SHOC1: variants seen among roughly 807,000 people sequenced by gnomAD.
SHOC1 encodes the protein protein shortage in chiasmata 1 ortholog.
In SHOC1, 136 loss-of-function variants were observed where a neutral mutation model predicts 179.2. The observed-to-expected ratio is 0.76, with a 90% CI of 0.66 to 0.87. The LOEUF is 0.87. SHOC1 is among the 40% of genes least tolerant of loss of function. The pLI is 0.00. For synonymous variants in SHOC1, 489 were observed against 586.6 expected, an observed-to-expected ratio of 0.83 and a Z score of 2.41; for missense variants, 1,538 against 1,700.8, an observed-to-expected ratio of 0.90 and a Z score of 1.68.
At chr9:111,751,522 T>C (rs1834588206) in intron 8 of SHOC1, among the ~76,000 whole-genome samples, 1 of 152,170 alleles carries the variant, frequency 6.6e-6, no homozygotes, top group Non-Finnish European at 1.5e-5. Context: ...CAATATTTTT[T>C]CTATCAATTA....
At chr9:111,759,440 C>T (rs1835038081) in intron 5 of SHOC1, 1 of 1,324,818 alleles carries the variant, frequency 7.5e-7, no homozygotes, top group East Asian at 2.7e-5. Flanking sequence ...TATTAAGAAA[C>T]ACTACTGCTA....
At chr9:111,691,349 T>A (rs975185230) in intron 27 of SHOC1, among the ~76,000 whole-genome samples, 3 of 152,212 alleles carry the variant, frequency 2.0e-5, no homozygotes, top group Non-Finnish European at 4.4e-5. Context: ...GAATGCTTAG[T>A]CCACTTAAGG....
intron 15 of SHOC1, among the ~76,000 whole-genome samples, chr9:111,722,137 T>C (rs2131412355): frequency 6.6e-6 from 1 of 152,322 alleles, no homozygotes; most frequent in South Asian, 2.1e-4. Context: ...CTGACAATAA[T>C]AAAGTTAATT....
chr9:111,723,705 A>G, intron 14 of SHOC1, 87 bp downstream of exon 14: 1 of 1,259,386 alleles, frequency 7.9e-7, no homozygotes, highest in Non-Finnish European at 1.1e-6. Context: ...AGAAAATGAC[A>G]TGGAAAATGA....
chr9:111,746,376 T>A (rs777712611), intron 9 of SHOC1, 34 bp from the exon 10 acceptor site: 11 of 1,376,952 alleles, frequency 8.0e-6, no homozygotes, highest in Non-Finnish European at 1.0e-5. Flanking sequence ...TATGTAAACA[T>A]TGAATAATAT....
chr9:111,687,097 C>A (rs1179217129), intron 27 of SHOC1, among the ~76,000 whole-genome samples: 2 of 152,026 alleles, frequency 1.3e-5, no homozygotes, highest in Non-Finnish European at 2.9e-5. Context: ...CAGGCACCTG[C>A]CACCACGCCC....
chr9:111,758,343 C>A (rs1036878317), intron 6 of SHOC1, 148 bp from the exon 7 acceptor site: 8 of 572,702 alleles, frequency 1.4e-5, no homozygotes, highest in Admixed American at 3.7e-5. Flanking sequence ...CGCCTGTAAT[C>A]CCAGCACTTT....
intron 15 of SHOC1, among the ~76,000 whole-genome samples, chr9:111,718,797 T>G (rs997511829): frequency 9.9e-5 from 15 of 152,112 alleles, no homozygotes; most frequent in Non-Finnish European, 2.2e-4. Flanking sequence ...AAACAAGAGA[T>G]AAACTCACAG....
intron 27 of SHOC1, among the ~76,000 whole-genome samples, chr9:111,689,907 T>C (rs1180072424): frequency 1.3e-5 from 2 of 152,168 alleles, no homozygotes; most frequent in African/African-American, 2.4e-5. Context: ...CATTGGAAAA[T>C]GGGAGGTTAT....
chr9:111,737,032 A>G (rs1413209092), intron 12 of SHOC1, among the ~76,000 whole-genome samples: 1 of 152,192 alleles, frequency 6.6e-6, no homozygotes, highest in African/African-American at 2.4e-5. Context: ...ATCATTCAGA[A>G]TGGCTACTAT....
chr9:111,736,100 T>C (rs970352489), intron 12 of SHOC1, among the ~76,000 whole-genome samples: 2 of 152,198 alleles, frequency 1.3e-5, no homozygotes, highest in Non-Finnish European at 2.9e-5. Flanking sequence ...TACATCCTCA[T>C]GGATTGGAAG....
chr9:111,738,205 A>G, intron 12 of SHOC1, 75 bp downstream of exon 12: 1 of 1,345,636 alleles, frequency 7.4e-7, no homozygotes, highest in Non-Finnish European at 1.0e-6. Flanking sequence ...CCAATTACCT[A>G]GAGGAAATCC....
intron 4 of SHOC1, among the ~76,000 whole-genome samples, chr9:111,779,950 T>C (rs1835974364): frequency 1.3e-5 from 2 of 152,252 alleles, no homozygotes; most frequent in East Asian, 3.8e-4. Flanking sequence ...TTTTAATTCA[T>C]AGTGCAGAGC....
At chr9:111,714,651 G>T (rs1181305981) in intron 16 of SHOC1, 28 bp from the exon 17 acceptor site, 2 of 1,575,720 alleles carry the variant, frequency 1.3e-6, no homozygotes, top group Non-Finnish European at 8.6e-7. Context: ...GAAAAAAATT[G>T]TCTAAGTATT....
At chr9:111,717,636 GC>G (rs1399626909) in intron 16 of SHOC1, among the ~76,000 whole-genome samples, 3 of 151,576 alleles carry the variant, frequency 2.0e-5, no homozygotes, top group African/African-American at 7.3e-5. Flanking sequence ...GCAATAAGGG[GC>G]CTAAAGCAGT....
At position 111,691,676 on chromosome 9, in the gene SHOC1, G is replaced by C; in HGVS notation, c.4301C>G (p.Ser1434Cys). The stretch of plus-strand genomic sequence containing the variant: ...TTCTTTTTGATTTGCATTAGAATCA[G>C]AAGCACGAAATAAATCCAAACTGGG... ...SVPSLDLFRA[S>C]DSNANQKEFN... The change falls in exon 27 of 28, where the codon TCT (serine) becomes TGT (cysteine). Residue 1434 changes from serine to cysteine, a missense_variant. By Grantham distance (112) the Ser-to-Cys change is moderately radical. Coordinates refer to ENST00000682961, the MANE Select transcript of SHOC1 (RefSeq NM_001378211.1). The C allele has an allele frequency of 1.2e-6, 2 of 1,613,966 alleles. No homozygotes were observed. The highest frequency in any genetic ancestry group is 1.7e-6 in the Non-Finnish European group (2 of 1,179,950).
At chr9:111,784,103 G>C (rs1836178119) in intron 3 of SHOC1, among the ~76,000 whole-genome samples, 1 of 152,134 alleles carries the variant, frequency 6.6e-6, no homozygotes, top group Non-Finnish European at 1.5e-5. Flanking sequence ...TTATTCTTAA[G>C]AACTTCAAGT....
intron 27 of SHOC1, 70 bp from the exon 28 acceptor site, chr9:111,686,940 T>C (rs1831195821): frequency 1.3e-5 from 2 of 154,254 alleles, no homozygotes; most frequent in Non-Finnish European, 2.1e-5. Context: ...TTTCTTTTCC[T>C]TTTTTTTTTT....
At chr9:111,718,454 A>T (rs1832895793) in intron 15 of SHOC1, among the ~76,000 whole-genome samples, 166 bp from the exon 16 acceptor site, 1 of 152,180 alleles carries the variant, frequency 6.6e-6, no homozygotes, top group Non-Finnish European at 1.5e-5. Flanking sequence ...CAACAATCCC[A>T]TCAGACAAGT....
Sources: allele counts gnomAD v4.1 joint callset (sites outside exome capture counted in the v4.1 genomes callset), GRCh38; gene constraint gnomAD v4.1.1; transcripts MANE v1.5; gene names NCBI Gene and HGNC (gene_info 2026-07-23, HGNC 2026-07-21).